Variants in OSBPL10 observed in about 807,000 individuals in gnomAD.
The protein encoded by OSBPL10 is oxysterol-binding protein-related protein 10.
Under a neutral mutation model 81.7 loss-of-function variants are expected in OSBPL10, and 49 were observed. That is an observed-to-expected ratio of 0.60 (90% CI 0.48 to 0.76). The LOEUF is 0.76. Among genes scored for constraint, OSBPL10 ranks in the 30% least tolerant of loss-of-function variants. The probability of loss-of-function intolerance (pLI) is 0.00; values close to 1 mark genes in which losing one functional copy is unlikely to be tolerated. For missense variants in OSBPL10, 923 were observed against 987.8 expected, an observed-to-expected ratio of 0.93 and a Z score of 0.88; for synonymous variants, 419 against 383.6, an observed-to-expected ratio of 1.09 and a Z score of -1.08.
In OSBPL10 at chr3:31,702,291, GAGA is replaced by G. The variant is rs1289011918; in HGVS notation, c.1245+65_1245+67del. 3 of 1,547,598 alleles carry G rather than the reference GAGA, an allele frequency of 1.9e-6. No homozygotes were observed. The African/African-American group carries it at 4.1e-5, about 21-fold the overall frequency. ...CACCACAACGAAAAGAATGTGCATAGAGAAGGCTTGAGGATAGAGACAGAACCC... is the reference window on the plus strand; with the variant it reads ...CACCACAACGAAAAGAATGTGCATAGAGGCTTGAGGATAGAGACAGAACCC... On this transcript the variant is annotated intron_variant, in intron 7 of 11. Transcript: ENST00000396556.
intron 6 of OSBPL10, among the ~76,000 whole-genome samples, chr3:31,707,817 C>T (rs944548859): frequency 1.3e-5 from 2 of 152,148 alleles, no homozygotes; most frequent in African/African-American, 4.8e-5. Context: ...GCACTAATGG[C>T]CACCAGGGCA....
intron 3 of OSBPL10, among the ~76,000 whole-genome samples, chr3:31,832,628 C>T (rs979494726): frequency 3.9e-5 from 6 of 152,198 alleles, no homozygotes; most frequent in East Asian, 1.9e-4. Flanking sequence ...CAGAGACAGA[C>T]GGAGGGAAAC....
At chr3:31,927,384 A>G (rs1000665993) in intron 1 of OSBPL10, among the ~76,000 whole-genome samples, 32 of 152,354 alleles carry the variant, frequency 2.1e-4, no homozygotes, top group African/African-American at 7.5e-4. Flanking sequence ...TGTTTCCATT[A>G]GAACACATCT....
chr3:32,068,205 G>A lies in OSBPL10; in HGVS notation n.185+9191C>T, dbSNP rs146200131. Among the ~76,000 whole-genome samples the A allele has an allele frequency of 3.8e-3, 577 of 152,266 alleles. 3 individuals are homozygous for A. The highest frequency in any genetic ancestry group is 6.2e-3 in the Non-Finnish European group (420 of 68,020). Reference sequence around the variant, plus strand: ...TTATCTGTGGACCCAAAACTCCGGCGCCAGTCACGGACTCGGGAAGACAGT... The same window carrying A: ...TTATCTGTGGACCCAAAACTCCGGCACCAGTCACGGACTCGGGAAGACAGT... On this transcript the variant is annotated intron_variant and non_coding_transcript_variant, in intron 1 of 3. Transcript: ENST00000479173.
intron 1 of OSBPL10, among the ~76,000 whole-genome samples, chr3:31,912,397 A>G (rs917729599): frequency 2.2e-4 from 5 of 22,552 alleles, no homozygotes; most frequent in African/African-American, 7.1e-4. Context: ...TCTGTCTCGG[A>G]AAAAAAAAAA....
chr3:31,735,570 C>T (rs1169545771), intron 5 of OSBPL10, among the ~76,000 whole-genome samples: 2 of 152,188 alleles, frequency 1.3e-5, no homozygotes, highest in Admixed American at 1.3e-4. Context: ...TTAGTATGCT[C>T]AAGTCACATC....
At chr3:31,896,950 G>T (rs1487275515) in intron 1 of OSBPL10, among the ~76,000 whole-genome samples, 3 of 152,130 alleles carry the variant, frequency 2.0e-5, no homozygotes, top group African/African-American at 7.2e-5. Flanking sequence ...GACAGGTAGT[G>T]CCTGAGCTAC....
chr3:32,018,045 G>C lies in OSBPL10; in HGVS notation n.298+28446C>G, dbSNP rs567797242. On this transcript the variant is annotated intron_variant and non_coding_transcript_variant, in intron 2 of 3. Coordinates refer to the OSBPL10 transcript ENST00000479173. The stretch of plus-strand genomic sequence containing the variant: ...CGCCTGTAATCCCAGCTACTCAGGG[G>C]GCTGAGGCAGGAGAATCACTTGAAC... Among the ~76,000 whole-genome samples the C allele has an allele frequency of 4.6e-5, 7 of 152,070 alleles. No individual in the cohort carries two copies. The East Asian group carries it at 1.4e-3, about 29-fold the overall frequency.
At chr3:31,932,831 TTC>T (rs1375137860) in intron 1 of OSBPL10, among the ~76,000 whole-genome samples, 3 of 152,118 alleles carry the variant, frequency 2.0e-5, no homozygotes, top group African/African-American at 7.2e-5. Context: ...AATGAAAGTA[TTC>T]TCTCATTAAT....
chr3:31,896,162 A>G (rs1696051043), intron 1 of OSBPL10, among the ~76,000 whole-genome samples: 2 of 152,264 alleles, frequency 1.3e-5, no homozygotes, highest in African/African-American at 4.8e-5. Context: ...AGCTTTCAAA[A>G]TACAGAATCC....
At chr3:32,021,969 A>C (rs1699366609) in intron 2 of OSBPL10, among the ~76,000 whole-genome samples, 1 of 115,800 alleles carries the variant, frequency 8.6e-6, no homozygotes, top group African/African-American at 3.2e-5. Flanking sequence ...AACAGGAGAT[A>C]ATCTGTCTCG....
At chr3:31,690,176 G>A (rs549143503) in intron 7 of OSBPL10, among the ~76,000 whole-genome samples, 1 of 152,236 alleles carries the variant, frequency 6.6e-6, no homozygotes, top group East Asian at 1.9e-4. Context: ...GAGGTGATTG[G>A]ATCATGGGGG....
intron 4 of OSBPL10, among the ~76,000 whole-genome samples, chr3:31,773,897 C>T (rs1698457940): frequency 6.6e-6 from 1 of 152,196 alleles, no homozygotes; most frequent in Admixed American, 6.5e-5. Flanking sequence ...GGCGTGGTGG[C>T]TCACGCCTGT....
At chr3:32,010,544 T>A (rs993989424) in intron 2 of OSBPL10, among the ~76,000 whole-genome samples, 2 of 152,168 alleles carry the variant, frequency 1.3e-5, no homozygotes, top group Admixed American at 1.3e-4. Context: ...TTTCTGCATT[T>A]CCAACTGAGG....
intron 4 of OSBPL10, among the ~76,000 whole-genome samples, chr3:31,774,381 C>T (rs2125754627): frequency 6.6e-6 from 1 of 152,238 alleles, no homozygotes; most frequent in South Asian, 2.1e-4. Context: ...CACAACAACG[C>T]CCTGGAGCAG....
intron 1 of OSBPL10, among the ~76,000 whole-genome samples, chr3:31,945,341 A>G (rs1211143967): frequency 1.3e-5 from 2 of 152,042 alleles, no homozygotes; most frequent in African/African-American, 2.4e-5. Context: ...GGGGCTCCCA[A>G]AGTCACCACA....
chr3:32,064,585 GA>G lies in OSBPL10; in HGVS notation n.185+12810del, dbSNP rs201714161. 5.4e-3 allele frequency among the ~76,000 whole-genome samples: 493 copies of G among 92,016 alleles called. 100 individuals carry two copies. The highest frequency in any genetic ancestry group is 0.013 in the African/African-American group (451 of 35,214). The allele number at this position is 92,016 out of a possible 152,430, so 60.4% of individuals were successfully genotyped here. A position where few individuals can be genotyped will look rare whatever the true frequency, so the allele number is the denominator to read the frequency against. On this transcript the variant is annotated intron_variant and non_coding_transcript_variant, in intron 1 of 3. Transcript: ENST00000479173. ...TCTCAAGTTTTTAAAGAAAAAAAAA[GA>G]TGAATCAGGAGAGGAGACGATTATA...
chr3:31,908,852 C>G (rs1173592752), intron 1 of OSBPL10, among the ~76,000 whole-genome samples: 1 of 152,136 alleles, frequency 6.6e-6, no homozygotes, highest in Non-Finnish European at 1.5e-5. Context: ...AGCGGCTCCC[C>G]CTGGGGAACT....
chr3:31,883,250 T>C (rs1266913811), intron 1 of OSBPL10, among the ~76,000 whole-genome samples: 5 of 152,100 alleles, frequency 3.3e-5, no homozygotes, highest in Non-Finnish European at 7.4e-5. Flanking sequence ...ACTCTTTTTT[T>C]TTTTTTTGAG....
Sources: gnomAD v4.1 joint callset for allele counts (sites outside exome capture counted in the v4.1 genomes callset) on GRCh38, gnomAD v4.1.1 for gene constraint, MANE v1.5 for transcripts, NCBI Gene and HGNC (gene_info 2026-07-23, HGNC 2026-07-21) for gene names.